APBB2: variants seen among roughly 807,000 people sequenced by gnomAD.
The protein encoded by APBB2 is Fe65-like 1.
A neutral mutation model predicts 82.5 loss-of-function variants in APBB2; 38 were observed. The ratio of observed to expected loss-of-function variants is 0.46; its 90% confidence interval spans 0.36 to 0.60. The LOEUF (loss-of-function observed/expected upper bound fraction) is 0.60, where lower values mean the gene tolerates loss of function less well. APBB2 is among the 20% of genes least tolerant of loss of function. APBB2 has a pLI of 0.00. For synonymous variants in APBB2, 341 were observed against 368.2 expected (o/e 0.93, Z 0.85); for missense variants, 772 against 972.3 (o/e 0.79, Z 2.74).
At chr4:40,883,710 CAAA>C (rs10578840) in intron 12 of APBB2, among the ~76,000 whole-genome samples, 161 of 126,922 alleles carry the variant, frequency 1.3e-3, no homozygotes, top group African/African-American at 3.0e-3. Context: ...TAGAGACTGC[CAAA>C]AAAAAAAAAA....
At chr4:41,147,874 GA>G (rs1246501910) in intron 1 of APBB2, among the ~76,000 whole-genome samples, 35 of 152,034 alleles carry the variant, frequency 2.3e-4, no homozygotes, top group Non-Finnish European at 4.3e-4. Flanking sequence ...AGGCAAGAAG[GA>G]ACACACTGGA....
chr4:41,192,120 CA>C (rs1003255309), intron 1 of APBB2, among the ~76,000 whole-genome samples: 13 of 152,006 alleles, frequency 8.6e-5, no homozygotes, highest in African/African-American at 3.1e-4. Flanking sequence ...ATGCTGTTGT[CA>C]AAAAAGTCAA....
chr4:41,137,935 G>A (rs1222851007), intron 2 of APBB2: 1 of 152,190 alleles, frequency 6.6e-6, no homozygotes, highest in African/African-American at 2.4e-5. Context: ...TGGGCGCACT[G>A]AGGCAGGTGG....
At chr4:40,967,657 C>T (rs1264876033) in intron 6 of APBB2, among the ~76,000 whole-genome samples, 1 of 152,194 alleles carries the variant, frequency 6.6e-6, no homozygotes, top group Non-Finnish European at 1.5e-5. Context: ...ACTCACACAG[C>T]CCTTGCCACT....
intron 2 of APBB2, chr4:41,138,303 A>T (rs1758153903): frequency 1.3e-5 from 2 of 152,236 alleles, no homozygotes; most frequent in Admixed American, 1.3e-4. Context: ...TTTTGTTACA[A>T]TTAAAAACTT....
intron 6 of APBB2, among the ~76,000 whole-genome samples, chr4:40,989,308 T>C (rs1013197249): frequency 5.3e-5 from 8 of 152,052 alleles, no homozygotes; most frequent in African/African-American, 1.4e-4. Context: ...TCACACTAGA[T>C]TGAACATGAG....
intron 12 of APBB2, among the ~76,000 whole-genome samples, chr4:40,852,065 A>G (rs1277936491): frequency 1.3e-5 from 2 of 152,150 alleles, no homozygotes; most frequent in African/African-American, 4.8e-5. Flanking sequence ...AGTAACTTCA[A>G]ATGTAATTAC....
intron 5 of APBB2, among the ~76,000 whole-genome samples, chr4:41,024,460 G>A (rs1221465442): frequency 6.6e-6 from 1 of 152,090 alleles, no homozygotes; most frequent in Non-Finnish European, 1.5e-5. Flanking sequence ...ACCTATTGAG[G>A]GAGGAAATTG....
intron 12 of APBB2, among the ~76,000 whole-genome samples, chr4:40,884,782 A>T (rs1005665679): frequency 9.9e-5 from 15 of 152,064 alleles, no homozygotes; most frequent in Non-Finnish European, 2.1e-4. Context: ...AAAAGAAATA[A>T]AACAACTTGG....
intron 6 of APBB2, among the ~76,000 whole-genome samples, chr4:40,987,956 T>C (rs1800840781): frequency 6.6e-6 from 1 of 152,202 alleles, no homozygotes; most frequent in African/African-American, 2.4e-5. Context: ...GATTTTTATA[T>C]TCAAACATTA....
chr4:40,874,339 G>T (rs1766297710), intron 12 of APBB2, among the ~76,000 whole-genome samples: 1 of 152,158 alleles, frequency 6.6e-6, no homozygotes, highest in African/African-American at 2.4e-5. Context: ...CTGCATTTCA[G>T]TTTTTTATCC....
intron 13 of APBB2, among the ~76,000 whole-genome samples, chr4:40,827,559 C>T (rs972282897): frequency 6.6e-6 from 1 of 152,142 alleles, no homozygotes; most frequent in Admixed American, 6.5e-5. Flanking sequence ...CAGTGGCCAG[C>T]GGCAGCCACA....
In APBB2 at chr4:40,914,611, A is replaced by G. The variant is rs181291981; in HGVS notation, c.1254+19845T>C. On this transcript the variant is annotated intron_variant, in intron 10 of 17. Coordinates refer to ENST00000508593, the MANE Select transcript of APBB2 (RefSeq NM_004307.2). ...ACAGATAGATAAACAAATAAATGGA[A>G]ACACATAAAACAAGGCTAGATACTG... Among the ~76,000 whole-genome samples, 189 of 152,304 alleles carry G rather than the reference A, an allele frequency of 1.2e-3. 1 individual carries two copies. The highest frequency in any genetic ancestry group is 4.4e-3 in the African/African-American group (183 of 41,576).
At chr4:40,939,070 T>G (rs780633726) in intron 7 of APBB2, among the ~76,000 whole-genome samples, 13 of 151,878 alleles carry the variant, frequency 8.6e-5, no homozygotes, top group African/African-American at 2.4e-4. Context: ...CTGCAGAGAG[T>G]CCCCACCAGG....
At chr4:41,200,375 ATT>A (rs148725433) in intron 1 of APBB2, among the ~76,000 whole-genome samples, 3 of 150,930 alleles carry the variant, frequency 2.0e-5, no homozygotes, top group Non-Finnish European at 3.0e-5. Flanking sequence ...TGAATGACCT[ATT>A]TTTTTTTTAA....
At chr4:41,181,444 T>C (rs913459560) in intron 1 of APBB2, among the ~76,000 whole-genome samples, 1 of 152,264 alleles carries the variant, frequency 6.6e-6, no homozygotes, top group African/African-American at 2.4e-5. Flanking sequence ...TTTTTGGATG[T>C]AAATTATCCC....
rs115955551 is a variant in APBB2, at chr4:40,950,419, C to T, written c.836-5346G>A. 9.0e-3 allele frequency among the ~76,000 whole-genome samples: 1,374 copies of T among 152,320 alleles called. 9 individuals are homozygous for T. Among genetic ancestry groups the T allele is most frequent in the Middle Eastern group, 0.051 (15 of 294 alleles). On this transcript the variant is annotated intron_variant, in intron 6 of 17. Coordinates refer to ENST00000508593, the MANE Select transcript of APBB2 (RefSeq NM_004307.2). ...AAACAACCTAGACAACCATTTAAAA[C>T]AGAATGAATTGGCCAGGCACAGTGG...
chr4:40,932,990 A>T (rs1784581973), intron 10 of APBB2, among the ~76,000 whole-genome samples: 1 of 152,176 alleles, frequency 6.6e-6, no homozygotes, highest in East Asian at 1.9e-4. Flanking sequence ...CAGCCTGCTG[A>T]GTAGCTGGGA....
chr4:41,197,965 ACGTG>A, intron 1 of APBB2, among the ~76,000 whole-genome samples: 1 of 152,256 alleles, frequency 6.6e-6, no homozygotes, highest in South Asian at 2.1e-4. Context: ...AATATTCATT[ACGTG>A]CTGACTATTC....
Sources: allele counts gnomAD v4.1 joint callset (sites outside exome capture counted in the v4.1 genomes callset), GRCh38; gene constraint gnomAD v4.1.1; transcripts MANE v1.5; gene names NCBI Gene and HGNC (gene_info 2026-07-23, HGNC 2026-07-21).